The following SERPINA5 variants were observed in gnomAD, a reference collection of about 807,000 sequenced individuals.
The protein encoded by SERPINA5 is serpin family A member 5.
A neutral mutation model predicts 25.3 loss-of-function variants in SERPINA5; 25 were observed. The ratio of observed to expected loss-of-function variants is 0.99; its 90% confidence interval spans 0.72 to 1.38. The LOEUF is 1.38. Ranked by LOEUF, SERPINA5 falls within the 40% of genes most tolerant of loss-of-function variation. The pLI is 0.00. For missense variants in SERPINA5, 599 were observed against 509.5 expected (o/e 1.18, Z -1.69); for synonymous variants, 234 against 206.2 (o/e 1.14, Z -1.16).
At position 94,587,410 on chromosome 14, in the gene SERPINA5, G is replaced by A. The variant is rs776475108; in HGVS notation, c.48G>A (p.Gly16=). 1.9e-6 allele frequency: 3 copies of A among 1,613,606 alleles called. No homozygotes were observed. The highest frequency in any genetic ancestry group is 2.5e-6 in the Non-Finnish European group (3 of 1,179,868). The change falls in exon 3 of 6, where the codon GGG becomes GGA. Residue 16 remains glycine (G), a synonymous_variant. Coordinates refer to ENST00000329597, the MANE Select transcript of SERPINA5 (RefSeq NM_000624.6). ...GCCTGGTGCTTCTCAGCCCTCAGGG[G>A]GCCTCCCTTCACCGCCACCACCCCC... is the stretch of plus-strand genomic sequence containing the variant. ...LLCLVLLSPQ[G]ASLHRHHPRE... is the part of the protein sequence containing the mutation.
In SERPINA5 at chr14:94,592,528, G is replaced by A. The variant is rs1885340908; in HGVS notation, c.*289G>A. 1 of 330,940 alleles carries A rather than the reference G, an allele frequency of 3.0e-6. No individual in the cohort carries two copies. The highest frequency in any genetic ancestry group is 5.6e-6 in the Non-Finnish European group (1 of 179,880). The allele number at this position is 330,940 out of a possible 1,614,324, so 20.5% of individuals were successfully genotyped here. On this transcript the variant is annotated 3_prime_UTR_variant, in exon 6 of 6. Transcript: ENST00000329597. ...CTTGCTCAAGTTCACCAGCATGGTA[G>A]TGGCAAAGAGAGGTCCAGAGTCCTG... is the stretch of plus-strand genomic sequence containing the variant.
Position 94,587,948 on chromosome 14 carries a change from G to T in SERPINA5, c.586G>T (p.Val196Phe), listed in dbSNP as rs1055786032. 2.5e-6 allele frequency: 4 copies of T among 1,614,070 alleles called. No homozygotes were observed. Among genetic ancestry groups the T allele is most frequent in the Non-Finnish European group, 3.4e-6 (4 of 1,180,004 alleles). The change falls in exon 3 of 6, where the codon GTC becomes TTC. Residue 196 changes from valine (V) to phenylalanine (F), a missense_variant. Physicochemically the swap from Val to Phe is conservative, Grantham distance 50 (BLOSUM62 -1). Transcript: ENST00000329597. Reference sequence around the variant, plus strand: ...GCTTAAGAACCTCGATAGCAATGCGGTCGTGATCATGGTGAATTACATCTT... The same window carrying T: ...GCTTAAGAACCTCGATAGCAATGCGTTCGTGATCATGGTGAATTACATCTT... ...DLLKNLDSNAVVIMVNYIFFK... is the reference protein window; with the variant it reads ...DLLKNLDSNAFVIMVNYIFFK...
intron 2 of SERPINA5, among the ~76,000 whole-genome samples, chr14:94,582,579 C>T (rs1218495118): frequency 6.6e-6 from 1 of 152,188 alleles, no homozygotes; most frequent in Non-Finnish European, 1.5e-5. Flanking sequence ...CTCTGGGTGG[C>T]CAGCCTGGCT....
intron 3 of SERPINA5, among the ~76,000 whole-genome samples, chr14:94,588,659 A>G (rs1885177014): frequency 1.3e-5 from 2 of 152,218 alleles, no homozygotes; most frequent in Non-Finnish European, 2.9e-5. Flanking sequence ...ATGGTCACAG[A>G]TCATGAGTAT....
Position 94,587,749 on chromosome 14 carries a change from C to T in SERPINA5, c.387C>T (p.Leu129=), listed in dbSNP as rs761919388. Residue 129 remains leucine (L), a synonymous_variant, in exon 3 of 6, where the codon CTC becomes CTT. Coordinates refer to ENST00000329597, the MANE Select transcript of SERPINA5 (RefSeq NM_000624.6). ...CCAGAGATGGCTTCCAGCTGAGCCT[C>T]GGCAATGCCCTTTTCACCGACCTGG... ...NQPRDGFQLS[L]GNALFTDLVV... 4.0e-5 allele frequency: 65 copies of T among 1,614,062 alleles called. No individual in the cohort carries two copies. The highest frequency in any genetic ancestry group is 2.7e-4 in the Admixed American group (16 of 60,006).
rs1400422898 is a variant in SERPINA5, at chr14:94,581,646, G to C, written c.-82G>C. On this transcript the variant is annotated 5_prime_UTR_variant, in exon 2 of 6. Coordinates refer to ENST00000329597, the MANE Select transcript of SERPINA5 (RefSeq NM_000624.6). The stretch of plus-strand genomic sequence containing the variant: ...GTATCCAAGGCAGCAGAGGTGAGTG[G>C]GTCCCCCGAGCTCTGTGACCTTATG... 1 of 152,210 alleles carries C rather than the reference G, an allele frequency of 6.6e-6. No individual in the cohort carries two copies. The allele number at this position is 152,210 out of a possible 1,614,324, so 9.4% of individuals were successfully genotyped here.
rs1270596832 is a variant in SERPINA5 at position 94,590,789 on chromosome 14, T to C, written c.931T>C (p.Ser311Pro). The C allele has an allele frequency of 1.2e-6, 2 of 1,613,892 alleles. No individual in the cohort carries two copies. Among genetic ancestry groups the C allele is most frequent in the African/African-American group, 2.7e-5 (2 of 74,886 alleles). The change falls in exon 5 of 6, where the codon TCC becomes CCC. Residue 311 changes from serine (S) to proline (P), a missense_variant. By Grantham distance (74) the Ser-to-Pro change is moderately conservative. Transcript: ENST00000329597. ...LYLPKFSIEG[S>P]YQLEKVLPSL... is the part of the protein sequence containing the mutation. ...CCTTCCCAAATTCTCCATTGAGGGC[T>C]CCTATCAGCTGGAGAAAGTCCTCCC...
Position 94,587,478 on chromosome 14 carries a change from C to T in SERPINA5, c.116C>T (p.Thr39Met), listed in dbSNP as rs1224082103. 1.4e-5 allele frequency: 22 copies of T among 1,614,096 alleles called. No homozygotes were observed. The highest frequency in any genetic ancestry group is 2.7e-5 in the African/African-American group (2 of 74,936). ...KRVEDLHVGA[T>M]VAPSSRRDFT... ...GTCGAGGACCTCCATGTAGGTGCCACGGTGGCCCCCAGCAGCAGAAGGGAC... is the reference window on the plus strand; with the variant it reads ...GTCGAGGACCTCCATGTAGGTGCCATGGTGGCCCCCAGCAGCAGAAGGGAC... Residue 39 changes from threonine to methionine, a missense_variant, in exon 3 of 6, where the codon ACG becomes ATG. Physicochemically the swap from Thr to Met is moderately conservative, Grantham distance 81. Transcript: ENST00000329597.
intron 2 of SERPINA5, among the ~76,000 whole-genome samples, chr14:94,583,338 CA>C (rs1318588350): frequency 6.6e-6 from 1 of 152,142 alleles, no homozygotes; most frequent in Non-Finnish European, 1.5e-5. Flanking sequence ...GTAAGAAAGC[CA>C]GGGAAAGGCG....
At chr14:94,588,279 C>A (rs997852474) in intron 3 of SERPINA5, among the ~76,000 whole-genome samples, 1 of 152,138 alleles carries the variant, frequency 6.6e-6, no homozygotes, top group African/African-American at 2.4e-5. Flanking sequence ...GAAGTATGAA[C>A]CCATTGTGGC....
chr14:94,590,995 A>AACTCCACTCC (rs3065874), intron 5 of SERPINA5, 99 bp downstream of exon 5: 8 of 1,120,530 alleles, frequency 7.1e-6, no homozygotes, highest in East Asian at 5.4e-5. Context: ...CATTCCACTC[A>AACTCCACTCC]ACTCCACTCC....
intron 2 of SERPINA5, among the ~76,000 whole-genome samples, chr14:94,583,823 G>C (rs1884990660): frequency 6.6e-6 from 1 of 152,188 alleles, no homozygotes. Context: ...GCCCAACCAA[G>C]CTTTCAAAGC....
In SERPINA5 at chr14:94,589,685, A is replaced by G. The variant is rs1448896986; in HGVS notation, c.620-356A>G. Among the ~76,000 whole-genome samples, 5 of 152,230 alleles carry G rather than the reference A, an allele frequency of 3.3e-5. No individual in the cohort carries two copies. The East Asian group carries it at 9.6e-4, about 29-fold the overall frequency. ...AAACAGAGAAGTTCACCCAGATATCAGGTAGCATTCACAGCCAGCCACATT... is the reference window on the plus strand; with the variant it reads ...AAACAGAGAAGTTCACCCAGATATCGGGTAGCATTCACAGCCAGCCACATT... On this transcript the variant is annotated intron_variant, in intron 3 of 5. Coordinates refer to ENST00000329597, the MANE Select transcript of SERPINA5 (RefSeq NM_000624.6).
chr14:94,587,829 A>T lies in SERPINA5; in HGVS notation c.467A>T (p.Asp156Val). The T allele has an allele frequency of 6.2e-7, 1 of 1,613,962 alleles. No homozygotes were observed. Among genetic ancestry groups the T allele is most frequent in the Non-Finnish European group, 8.5e-7 (1 of 1,179,812 alleles). The change falls in exon 3 of 6, where the codon GAC becomes GTC. Residue 156 changes from aspartate (D) to valine (V), a missense_variant. Coordinates refer to ENST00000329597, the MANE Select transcript of SERPINA5 (RefSeq NM_000624.6). ...VSAMKTLYLA[D>V]TFPTNFRDSA... ...GCCATGAAGACGCTGTACCTGGCAG[A>T]CACTTTCCCTACCAACTTTAGGGAC...
intron 3 of SERPINA5, among the ~76,000 whole-genome samples, chr14:94,588,729 A>G (rs1885178997): frequency 6.6e-6 from 1 of 152,178 alleles, no homozygotes. Context: ...AGCAACAACA[A>G]ACATATATTT....
intron 5 of SERPINA5, among the ~76,000 whole-genome samples, chr14:94,591,741 A>G (rs1380223115): frequency 6.6e-6 from 1 of 152,210 alleles, no homozygotes; most frequent in Non-Finnish European, 1.5e-5. Context: ...AATCAAAACT[A>G]AGAAGGCACT....
intron 2 of SERPINA5, among the ~76,000 whole-genome samples, chr14:94,585,762 C>A: frequency 8.9e-6 from 1 of 111,888 alleles, no homozygotes; most frequent in Admixed American, 8.5e-5. Context: ...GTCAGGCTCA[C>A]ACGTGTGTGT....
rs749572177 is a variant in SERPINA5, at chr14:94,592,015, C to T, written c.1039-42C>T. The T allele has an allele frequency of 3.8e-6, 6 of 1,584,644 alleles. No individual in the cohort carries two copies. The South Asian group carries it at 5.8e-5, about 15-fold the overall frequency. ...TTGCCATTTGCTATGATGACTTCAC[C>T]TGCCCCTAGTGGCCTGGTGATGCCT... is the stretch of plus-strand genomic sequence containing the variant. On this transcript the variant is annotated intron_variant, in intron 5 of 5. Transcript: ENST00000329597.
intron 2 of SERPINA5, among the ~76,000 whole-genome samples, chr14:94,584,309 G>A (rs1302479450): frequency 6.6e-6 from 1 of 152,204 alleles, no homozygotes; most frequent in South Asian, 2.1e-4. Context: ...AAAATAGAGA[G>A]CTTACTTTTG....
Sources: gnomAD v4.1 joint callset for allele counts (sites outside exome capture counted in the v4.1 genomes callset) on GRCh38, gnomAD v4.1.1 for gene constraint, MANE v1.5 for transcripts, NCBI Gene and HGNC (gene_info 2026-07-23, HGNC 2026-07-21) for gene names.